GUCY1B1: variants seen among roughly 807,000 people sequenced by gnomAD.
The protein encoded by GUCY1B1 is guanylate cyclase 1 soluble subunit beta 1.
Under a neutral mutation model 71.0 loss-of-function variants are expected in GUCY1B1, and 43 were observed. That is an observed-to-expected ratio of 0.61 (90% CI 0.47 to 0.78). GUCY1B1 has a LOEUF of 0.78. Ranked by LOEUF, GUCY1B1 falls within the 30% of genes least tolerant of loss-of-function variation. The pLI, the probability that GUCY1B1 is intolerant of heterozygous loss-of-function variation, is 0.00. For missense variants in GUCY1B1, 535 were observed against 754.1 expected, an observed-to-expected ratio of 0.71 and a Z score of 3.40; for synonymous variants, 266 against 259.7, an observed-to-expected ratio of 1.02 and a Z score of -0.23.
chr4:155,759,659 G>A, intron 1 of GUCY1B1, 128 bp from the exon 2 acceptor site: 1 of 652,886 alleles, frequency 1.5e-6, no homozygotes, highest in Admixed American at 2.5e-5. Flanking sequence ...TACCCCTAAG[G>A]GAGAGGAGTC....
intron 5 of GUCY1B1, among the ~76,000 whole-genome samples, chr4:155,791,798 T>C (rs1739202050): frequency 6.6e-6 from 1 of 150,856 alleles, no homozygotes; most frequent in Non-Finnish European, 1.5e-5. Flanking sequence ...ACACAGCATC[T>C]ATACTGAGTG....
In GUCY1B1 at chr4:155,796,448, T is replaced by C. The variant is rs535320953; in HGVS notation, c.915T>C (p.Arg305=). ...CTGGGACTGAGATCAGCTGCTTACG[T>C]CTCAAGGGTCAAATGATCTACTTAC... is the stretch of plus-strand genomic sequence containing the variant. ...ELTGTEISCL[R]LKGQMIYLPE... Residue 305 remains arginine (R), a synonymous_variant, in exon 8 of 14, where the codon CGT becomes CGC. Transcript: ENST00000264424. 6 of 1,611,102 alleles carry C rather than the reference T, an allele frequency of 3.7e-6. No individual in the cohort carries two copies. The highest frequency in any genetic ancestry group is 2.2e-5 in the East Asian group (1 of 44,854).
chr4:155,785,651 G>C (rs556275617), intron 4 of GUCY1B1, among the ~76,000 whole-genome samples: 2 of 152,094 alleles, frequency 1.3e-5, no homozygotes, highest in South Asian at 4.1e-4. Flanking sequence ...AGCAATATAA[G>C]TGTACTTAAA....
intron 9 of GUCY1B1, among the ~76,000 whole-genome samples, chr4:155,801,413 G>A (rs1410628403): frequency 6.6e-6 from 1 of 152,106 alleles, no homozygotes; most frequent in Non-Finnish European, 1.5e-5. Context: ...TTTCTTTAAA[G>A]CTAAGTAGTT....
chr4:155,790,196 C>T (rs1739063295), intron 5 of GUCY1B1, among the ~76,000 whole-genome samples: 1 of 152,098 alleles, frequency 6.6e-6, no homozygotes, highest in African/African-American at 2.4e-5. Context: ...AGCTGGGAAG[C>T]AGAAGGATAT....
At position 155,804,630 on chromosome 4, in the gene GUCY1B1, G is replaced by T; in HGVS notation, c.1592G>T (p.Gly531Val). 6.2e-7 allele frequency: 1 copy of T among 1,612,654 alleles called. No homozygotes were observed. The highest frequency in any genetic ancestry group is 8.5e-7 in the Non-Finnish European group (1 of 1,178,814). ...IGIHTGEVVTGVIGQRMPRYC... is the reference protein window; with the variant it reads ...IGIHTGEVVTVVIGQRMPRYC... ...ATACACACTGGAGAGGTAGTTACAGGTGTCATAGGACAGCGGATGCCTCGA... is the reference window on the plus strand; with the variant it reads ...ATACACACTGGAGAGGTAGTTACAGTTGTCATAGGACAGCGGATGCCTCGA... The change falls in exon 12 of 14, where the codon GGT becomes GTT. Residue 531 changes from glycine to valine, a missense_variant. Transcript: ENST00000264424.
chr4:155,767,824 G>A (rs1274892808), intron 2 of GUCY1B1, among the ~76,000 whole-genome samples: 1 of 151,990 alleles, frequency 6.6e-6, no homozygotes, highest in Non-Finnish European at 1.5e-5. Flanking sequence ...TTAGAAAAAA[G>A]CAATATAAAG....
intron 13 of GUCY1B1, among the ~76,000 whole-genome samples, chr4:155,805,825 C>T (rs1740274946): frequency 6.6e-6 from 1 of 152,120 alleles, no homozygotes; most frequent in African/African-American, 2.4e-5. Context: ...CCAGGCAGAG[C>T]CCATGTGCTA....
rs1738604244 is a variant in GUCY1B1, at chr4:155,783,987, A to G, written c.298-5727A>G. ...TTTTCAGTTTGAATAACTGGTATAT[A>G]TTTTCATAATTTTTCAAAATATTGA... is the stretch of plus-strand genomic sequence containing the variant. On this transcript the variant is annotated intron_variant, in intron 4 of 13. Transcript: ENST00000264424. Among the ~76,000 whole-genome samples the G allele has an allele frequency of 2.0e-5, 3 of 152,082 alleles. No homozygotes were observed. In the South Asian group the frequency reaches 6.2e-4, roughly 31 times the overall value.
chr4:155,800,124 C>T (rs1463858833), intron 9 of GUCY1B1, 50 bp downstream of exon 9: 2 of 1,263,790 alleles, frequency 1.6e-6, no homozygotes, highest in Admixed American at 4.4e-5. Flanking sequence ...CATAATGTGA[C>T]TCTACTATAT....
chr4:155,788,890 T>G (rs959344628), intron 4 of GUCY1B1, among the ~76,000 whole-genome samples: 5 of 152,116 alleles, frequency 3.3e-5, no homozygotes, highest in African/African-American at 1.2e-4. Flanking sequence ...TGTTATGAAC[T>G]GAGTGTTATT....
chr4:155,759,178 AC>A, intron 1 of GUCY1B1, 35 bp downstream of exon 1: 1 of 1,554,358 alleles, frequency 6.4e-7, no homozygotes, highest in Non-Finnish European at 8.7e-7. Flanking sequence ...CCCGAACCTC[AC>A]CCCTCCTCGG....
At chr4:155,791,403 C>A (rs1275266647) in intron 5 of GUCY1B1, among the ~76,000 whole-genome samples, 2 of 142,282 alleles carry the variant, frequency 1.4e-5, no homozygotes, top group Non-Finnish European at 3.1e-5. Context: ...GCGTGAGCCA[C>A]CGCGCCCGGC....
chr4:155,772,264 T>A (rs1737742051), intron 2 of GUCY1B1, among the ~76,000 whole-genome samples: 1 of 152,218 alleles, frequency 6.6e-6, no homozygotes, highest in Non-Finnish European at 1.5e-5. Context: ...ATTGTTTGAG[T>A]AGACATGGGG....
At chr4:155,785,610 G>A (rs537595520) in intron 4 of GUCY1B1, among the ~76,000 whole-genome samples, 2 of 151,852 alleles carry the variant, frequency 1.3e-5, no homozygotes, top group South Asian at 2.1e-4. Flanking sequence ...AAAAAAAATT[G>A]TAGCCTGTAT....
At position 155,801,388 on chromosome 4, in the gene GUCY1B1, C is replaced by T. The variant is rs566046389; in HGVS notation, c.1176-954C>T. ...GGTTTCAAGGTGATGTCATTAGAAA[C>T]CATTTACTATTAATTTTCTTTAAAG... On this transcript the variant is annotated intron_variant, in intron 9 of 13. Transcript: ENST00000264424. 3.9e-5 allele frequency among the ~76,000 whole-genome samples: 6 copies of T among 152,222 alleles called. No individual in the cohort carries two copies. In the South Asian group the frequency reaches 1.0e-3, roughly 26 times the overall value.
At chr4:155,766,148 C>A (rs17033487) in intron 2 of GUCY1B1, among the ~76,000 whole-genome samples, 26,609 of 151,978 alleles carry the variant, frequency 0.18, 2,474 homozygotes, top group South Asian at 0.25. Flanking sequence ...TATCTTTCAC[C>A]TTTTTCATTT....
chr4:155,804,638 G>A lies in GUCY1B1; in HGVS notation c.1600G>A (p.Gly534Arg). Reference sequence around the variant, plus strand: ...TGGAGAGGTAGTTACAGGTGTCATAGGACAGCGGATGCCTCGATACTGTCT... The same window carrying A: ...TGGAGAGGTAGTTACAGGTGTCATAAGACAGCGGATGCCTCGATACTGTCT... ...HTGEVVTGVI[G>R]QRMPRYCLFG... Residue 534 changes from glycine to arginine, a missense_variant, in exon 12 of 14, where the codon GGA becomes AGA. By Grantham distance (125) the Gly-to-Arg change is moderately radical (BLOSUM62 -2). Coordinates refer to ENST00000264424, the MANE Select transcript of GUCY1B1 (RefSeq NM_000857.5). The A allele has an allele frequency of 6.2e-7, 1 of 1,612,278 alleles. No homozygotes were observed. The highest frequency in any genetic ancestry group is 8.5e-7 in the Non-Finnish European group (1 of 1,178,444).
At chr4:155,805,709 A>G (rs1307723533) in intron 13 of GUCY1B1, among the ~76,000 whole-genome samples, 3 of 152,188 alleles carry the variant, frequency 2.0e-5, no homozygotes, top group Non-Finnish European at 4.4e-5. Flanking sequence ...TGGAAATCCT[A>G]GTCCCTCATG....
Sources: allele counts gnomAD v4.1 joint callset (sites outside exome capture counted in the v4.1 genomes callset), GRCh38; gene constraint gnomAD v4.1.1; transcripts MANE v1.5; gene names NCBI Gene and HGNC (gene_info 2026-07-23, HGNC 2026-07-21).